DCLK2: variants seen among roughly 807,000 people sequenced by gnomAD.
The protein encoded by DCLK2 is doublecortin like kinase 2.
A neutral mutation model predicts 78.4 loss-of-function variants in DCLK2; 31 were observed. The ratio of observed to expected loss-of-function variants is 0.40; its 90% CI spans 0.30 to 0.53. The LOEUF (loss-of-function observed/expected upper bound fraction) is 0.53. DCLK2 is among the 20% of genes least tolerant of loss of function. DCLK2 has a pLI of 0.61. For missense variants in DCLK2, 872 were observed against 973.7 expected (o/e 0.90, Z 1.39); for synonymous variants, 407 against 374.9 (o/e 1.09, Z -0.99).
chr4:150,158,789 G>A (rs531027328), intron 2 of DCLK2, among the ~76,000 whole-genome samples: 15 of 152,222 alleles, frequency 9.9e-5, no homozygotes, highest in Middle Eastern at 3.4e-3. Context: ...TGGATGAATT[G>A]GATTTTTGAA....
In DCLK2 at chr4:150,253,819, A is replaced by G; in HGVS notation, c.2074-2201A>G. 4.1e-6 allele frequency: 4 copies of G among 985,470 alleles called. No homozygotes were observed. In the South Asian group the frequency reaches 1.9e-4, roughly 46 times the overall value. The allele number at this position is 985,470 out of a possible 1,614,324, so 61.0% of individuals were successfully genotyped here. ...GAGGAGTCCCATAGTTCTCCTACCG[A>G]TGCTGTTTCCCACTTAGGTGAAAAG... On this transcript the variant is annotated intron_variant, in intron 15 of 15. Coordinates refer to ENST00000296550, the MANE Select transcript of DCLK2 (RefSeq NM_001040260.4).
intron 4 of DCLK2, among the ~76,000 whole-genome samples, chr4:150,201,887 G>A (rs570824634): frequency 7.9e-5 from 12 of 152,244 alleles, no homozygotes; most frequent in Admixed American, 3.3e-4. Context: ...TCTCTCTTTT[G>A]TGTGAATTCC....
chr4:150,086,202 C>T (rs1032472144), intron 1 of DCLK2, among the ~76,000 whole-genome samples: 3 of 151,978 alleles, frequency 2.0e-5, no homozygotes, highest in Non-Finnish European at 2.9e-5. Flanking sequence ...ATTAATTTTA[C>T]TTTTGTGCCC....
chr4:150,203,667 CTGCTT>C (rs1285696295), intron 4 of DCLK2, 123 bp from the exon 5 acceptor site: 8 of 543,152 alleles, frequency 1.5e-5, no homozygotes, highest in African/African-American at 7.9e-5. Flanking sequence ...GATTTGCCGT[CTGCTT>C]TGAGCTGAAA....
chr4:150,104,425 C>CAAAAAAAAAAAAAA, intron 2 of DCLK2, among the ~76,000 whole-genome samples: 2 of 51,680 alleles, frequency 3.9e-5, no homozygotes, highest in East Asian at 1.2e-3. Flanking sequence ...AAAAAAAAAT[C>CAAAAAAAAAAAAAA]GAGCATCTAA....
intron 8 of DCLK2, among the ~76,000 whole-genome samples, chr4:150,232,097 C>G (rs193125183): frequency 7.9e-5 from 12 of 152,260 alleles, no homozygotes; most frequent in African/African-American, 2.9e-4. Flanking sequence ...CACAGAAGCA[C>G]CATGGAGCCT....
At chr4:150,155,742 C>A (rs2150235144) in intron 2 of DCLK2, among the ~76,000 whole-genome samples, 1 of 152,230 alleles carries the variant, frequency 6.6e-6, no homozygotes, top group Admixed American at 6.5e-5. Context: ...ATTGGGATTT[C>A]TGAGTTTTTA....
At chr4:150,202,857 T>C (rs562352054) in intron 4 of DCLK2, among the ~76,000 whole-genome samples, 1 of 152,194 alleles carries the variant, frequency 6.6e-6, no homozygotes, top group East Asian at 1.9e-4. Flanking sequence ...GTGAAATTAC[T>C]GCAGAAATAG....
chr4:150,113,402 T>G (rs1250253299), intron 2 of DCLK2, among the ~76,000 whole-genome samples: 1 of 152,162 alleles, frequency 6.6e-6, no homozygotes, highest in East Asian at 1.9e-4. Context: ...TGGCAGTTTT[T>G]GTATTATTTT....
chr4:150,099,339 A>G (rs1470194331), intron 1 of DCLK2, among the ~76,000 whole-genome samples: 1 of 152,276 alleles, frequency 6.6e-6, no homozygotes, highest in African/African-American at 2.4e-5. Flanking sequence ...GATTACAGGC[A>G]TGGGCCGTTG....
chr4:150,125,063 G>A (rs1346061882), intron 2 of DCLK2, among the ~76,000 whole-genome samples: 1 of 152,176 alleles, frequency 6.6e-6, no homozygotes, highest in Non-Finnish European at 1.5e-5. Flanking sequence ...AGACACCAAT[G>A]TTTTTACTAG....
intron 2 of DCLK2, among the ~76,000 whole-genome samples, chr4:150,114,917 A>T (rs199692470): frequency 6.6e-6 from 1 of 152,174 alleles, no homozygotes; most frequent in African/African-American, 2.4e-5. Flanking sequence ...AGCTTCTTGT[A>T]TTTAGATATC....
chr4:150,098,221 C>T (rs931392134), intron 1 of DCLK2, among the ~76,000 whole-genome samples: 31 of 151,976 alleles, frequency 2.0e-4, no homozygotes, highest in East Asian at 1.9e-4. Context: ...GAAAAAACTA[C>T]GGTGGTAAAG....
chr4:150,212,077 C>T (rs1201744608), intron 5 of DCLK2, among the ~76,000 whole-genome samples: 1 of 152,190 alleles, frequency 6.6e-6, no homozygotes, highest in East Asian at 1.9e-4. Context: ...CATCTGTGGA[C>T]ACTGAGGGAT....
At chr4:150,216,402 G>A (rs1368047048) in intron 5 of DCLK2, among the ~76,000 whole-genome samples, 2 of 152,208 alleles carry the variant, frequency 1.3e-5, no homozygotes, top group East Asian at 3.9e-4. Context: ...ACTTTGGGAG[G>A]CCAAGGCAGG....
intron 8 of DCLK2, among the ~76,000 whole-genome samples, chr4:150,230,557 A>G (rs1401408913): frequency 6.6e-6 from 1 of 152,348 alleles, no homozygotes; most frequent in South Asian, 2.1e-4. Context: ...TTTGCTTCAC[A>G]CGGAGGGAAA....
chr4:150,225,194 C>T (rs1390607535), intron 8 of DCLK2, among the ~76,000 whole-genome samples: 1 of 152,194 alleles, frequency 6.6e-6, no homozygotes, highest in East Asian at 1.9e-4. Flanking sequence ...ACACATCTGC[C>T]GTTTGCCCGT....
intron 2 of DCLK2, among the ~76,000 whole-genome samples, chr4:150,110,908 C>T (rs1303871108): frequency 6.6e-6 from 1 of 152,102 alleles, no homozygotes; most frequent in East Asian, 1.9e-4. Flanking sequence ...AGATTGGTTC[C>T]ATGTCTTTGC....
At chr4:150,080,118 C>T (rs987661573) in intron 1 of DCLK2, among the ~76,000 whole-genome samples, 1 of 150,792 alleles carries the variant, frequency 6.6e-6, no homozygotes, top group African/African-American at 2.4e-5. Context: ...AAAGCCCCCC[C>T]CCCAGGTGAT....
Sources: allele counts gnomAD v4.1 joint callset (sites outside exome capture counted in the v4.1 genomes callset), GRCh38; gene constraint gnomAD v4.1.1; transcripts MANE v1.5; gene names NCBI Gene and HGNC (gene_info 2026-07-23, HGNC 2026-07-21).